Variants in GRM7 observed in about 807,000 individuals in gnomAD.
GRM7 encodes glutamate metabotropic receptor 7.
Under a neutral mutation model 84.5 loss-of-function variants are expected in GRM7, and 35 were observed. The ratio of observed to expected loss-of-function variants is 0.41; its 90% CI spans 0.32 to 0.55. The LOEUF is 0.55. GRM7 is among the 20% of genes least tolerant of loss of function. GRM7 has a pLI of 0.19. For missense variants in GRM7, 1,003 were observed against 1,194.6 expected, an observed-to-expected ratio of 0.84 and a Z score of 2.36; for synonymous variants, 487 against 455.1, an observed-to-expected ratio of 1.07 and a Z score of -0.89.
At chr3:7,396,204 A>T (rs1695207648) in intron 4 of GRM7, among the ~76,000 whole-genome samples, 1 of 152,154 alleles carries the variant, frequency 6.6e-6, no homozygotes, top group Non-Finnish European at 1.5e-5. Context: ...AAAATTTCCC[A>T]GTAAGAACCT....
At chr3:7,132,279 A>G (rs780891141) in intron 1 of GRM7, among the ~76,000 whole-genome samples, 3 of 152,196 alleles carry the variant, frequency 2.0e-5, no homozygotes, top group Non-Finnish European at 2.9e-5. Context: ...TACAAGCTAC[A>G]TATTATATTC....
intron 1 of GRM7, among the ~76,000 whole-genome samples, chr3:7,144,205 C>G (rs188469216): frequency 1.3e-5 from 2 of 152,236 alleles, no homozygotes; most frequent in Admixed American, 1.3e-4. Context: ...AGCAAAGCAT[C>G]GTACTTGTGA....
chr3:7,730,250 C>T (rs1489218353), intron 9 of GRM7, among the ~76,000 whole-genome samples: 1 of 152,154 alleles, frequency 6.6e-6, no homozygotes, highest in East Asian at 1.9e-4. Flanking sequence ...TTGTGATCCG[C>T]CCACCTTGGC....
At chr3:6,940,881 G>A (rs1168823210) in intron 1 of GRM7, among the ~76,000 whole-genome samples, 1 of 152,156 alleles carries the variant, frequency 6.6e-6, no homozygotes, top group Non-Finnish European at 1.5e-5. Context: ...AGAAATTCCT[G>A]CAGTCACTTC....
chr3:7,605,351 A>G (rs182915673), intron 8 of GRM7, among the ~76,000 whole-genome samples: 1 of 152,300 alleles, frequency 6.6e-6, no homozygotes, highest in African/African-American at 2.4e-5. Context: ...AAGGAAATGT[A>G]GTTGTTTCTG....
chr3:7,661,569 C>T (rs529855372), intron 8 of GRM7, among the ~76,000 whole-genome samples: 88 of 151,880 alleles, frequency 5.8e-4, no homozygotes, highest in Non-Finnish European at 1.0e-3. Context: ...CCATGGCAGG[C>T]AGATCACGAG....
intron 2 of GRM7, among the ~76,000 whole-genome samples, chr3:7,256,619 A>T (rs1427428559): frequency 2.0e-5 from 3 of 151,870 alleles, no homozygotes; most frequent in Non-Finnish European, 4.4e-5. Context: ...CTACCTATGC[A>T]CACACACACA....
intron 8 of GRM7, among the ~76,000 whole-genome samples, chr3:7,653,241 G>A (rs1280710253): frequency 8.8e-6 from 1 of 113,144 alleles, no homozygotes; most frequent in African/African-American, 3.5e-5. Context: ...CTACCTAACT[G>A]TAAATGCTTT....
intron 1 of GRM7, among the ~76,000 whole-genome samples, chr3:6,998,289 G>T (rs34702396): frequency 2.6e-5 from 4 of 152,098 alleles, no homozygotes. Flanking sequence ...TTAAAGCTTA[G>T]AAATAATCTC....
At chr3:6,948,362 G>A (rs1698171964) in intron 1 of GRM7, among the ~76,000 whole-genome samples, 1 of 152,228 alleles carries the variant, frequency 6.6e-6, no homozygotes, top group Non-Finnish European at 1.5e-5. Context: ...TAGCTGAGCG[G>A]TTTTGAGTGA....
chr3:6,898,739 G>A (rs1379324809), intron 1 of GRM7, among the ~76,000 whole-genome samples: 4 of 151,340 alleles, frequency 2.6e-5, no homozygotes, highest in African/African-American at 7.3e-5. Flanking sequence ...CTCTGGAGGC[G>A]AAGGCAGGAA....
At chr3:7,657,786 C>T (rs908361295) in intron 8 of GRM7, among the ~76,000 whole-genome samples, 11 of 152,156 alleles carry the variant, frequency 7.2e-5, no homozygotes, top group African/African-American at 2.7e-4. Context: ...AAACCTTACT[C>T]TTCCTGGGAA....
chr3:7,299,427 C>T (rs576276731), intron 3 of GRM7, among the ~76,000 whole-genome samples: 12 of 152,164 alleles, frequency 7.9e-5, no homozygotes, highest in East Asian at 1.9e-4. Flanking sequence ...CAACCTGGTC[C>T]GGAGTCCTTA....
At chr3:7,627,655 T>C (rs541069420) in intron 8 of GRM7, among the ~76,000 whole-genome samples, 1 of 152,266 alleles carries the variant, frequency 6.6e-6, no homozygotes, top group African/African-American at 2.4e-5. Context: ...CTTCACAAAG[T>C]ATTACGAACT....
chr3:7,052,556 T>G (rs1352248823), intron 1 of GRM7, among the ~76,000 whole-genome samples: 1 of 150,914 alleles, frequency 6.6e-6, no homozygotes, highest in Non-Finnish European at 1.5e-5. Context: ...TCATCCCACC[T>G]CCATATACAC....
intron 4 of GRM7, among the ~76,000 whole-genome samples, chr3:7,321,320 C>G (rs1481120173): frequency 1.3e-5 from 2 of 152,024 alleles, no homozygotes; most frequent in Admixed American, 1.3e-4. Context: ...TAACTATAAA[C>G]TTAAGTGCCT....
chr3:7,324,710 C>T (rs778648475), intron 4 of GRM7, among the ~76,000 whole-genome samples: 2 of 152,064 alleles, frequency 1.3e-5, no homozygotes, highest in Non-Finnish European at 2.9e-5. Context: ...GGCATCTCGA[C>T]TTCATTTAAA....
intron 1 of GRM7, among the ~76,000 whole-genome samples, chr3:7,071,968 C>T (rs570812458): frequency 3.4e-4 from 51 of 152,120 alleles, no homozygotes; most frequent in African/African-American, 1.1e-3. Flanking sequence ...AAAAGAAATG[C>T]TTGAGTAAAA....
chr3:7,709,284 G>A (rs960443005), intron 9 of GRM7, among the ~76,000 whole-genome samples: 3 of 152,160 alleles, frequency 2.0e-5, no homozygotes, highest in African/African-American at 7.2e-5. Context: ...AAAATTGTGT[G>A]TATGCATGCA....
Sources: gnomAD v4.1 joint callset for allele counts (sites outside exome capture counted in the v4.1 genomes callset) on GRCh38, gnomAD v4.1.1 for gene constraint, MANE v1.5 for transcripts, NCBI Gene and HGNC (gene_info 2026-07-23, HGNC 2026-07-21) for gene names.